SNTG1: variants seen among roughly 807,000 people sequenced by gnomAD.
SNTG1 encodes syntrophin gamma 1, also known as gamma-1-syntrophin.
A neutral mutation model predicts 74.7 loss-of-function variants in SNTG1; 39 were observed. That is an observed-to-expected ratio of 0.52 (90% CI 0.40 to 0.68). The LOEUF (loss-of-function observed/expected upper bound fraction) is 0.68. Among genes scored for constraint, SNTG1 ranks in the 30% least tolerant of loss-of-function variants. SNTG1 has a pLI of 0.00. For synonymous variants in SNTG1, 254 were observed against 217.1 expected, an observed-to-expected ratio of 1.17 and a Z score of -1.49; for missense variants, 685 against 609.5, an observed-to-expected ratio of 1.12 and a Z score of -1.30.
At chr8:49,969,072 A>G (rs560637742) in intron 1 of SNTG1, among the ~76,000 whole-genome samples, 2 of 152,336 alleles carry the variant, frequency 1.3e-5, no homozygotes, top group South Asian at 4.1e-4. Context: ...AATTGGAGGC[A>G]GAATGATAGA....
At chr8:50,297,529 T>C (rs1025724969) in intron 2 of SNTG1, among the ~76,000 whole-genome samples, 2 of 152,104 alleles carry the variant, frequency 1.3e-5, no homozygotes, top group Middle Eastern at 3.2e-3. Context: ...TTTGGGGCAT[T>C]ACACAGTAAA....
chr8:50,139,073 A>G (rs1427770468), intron 1 of SNTG1, among the ~76,000 whole-genome samples: 2 of 152,090 alleles, frequency 1.3e-5, no homozygotes, highest in African/African-American at 2.4e-5. Context: ...TAATGTGTAT[A>G]TTTGCTTACA....
intron 12 of SNTG1, among the ~76,000 whole-genome samples, chr8:50,584,817 T>C (rs1335447669): frequency 1.3e-5 from 2 of 152,142 alleles, no homozygotes; most frequent in Non-Finnish European, 2.9e-5. Context: ...ACCACAACTG[T>C]GCAAGTCAAA....
At chr8:49,986,183 A>G (rs1485078334) in intron 1 of SNTG1, among the ~76,000 whole-genome samples, 1 of 152,160 alleles carries the variant, frequency 6.6e-6, no homozygotes, top group Non-Finnish European at 1.5e-5. Context: ...AAAAAAGGGG[A>G]AAAATATGCC....
rs573028093 is a variant in SNTG1, at chr8:49,933,891, C to T, written c.-103+21660C>T. On this transcript the variant is annotated intron_variant, in intron 1 of 18. Transcript: ENST00000642720. ...TGGAGGTTTGGCAGGGATATCGCTA[C>T]ATATTTATGGTCTCTGCTTAGGTTA... Among the ~76,000 whole-genome samples, 4 of 152,240 alleles carry T rather than the reference C, an allele frequency of 2.6e-5. No individual in the cohort carries two copies. The South Asian group carries it at 8.3e-4, about 32-fold the overall frequency.
At chr8:50,287,949 C>T (rs990520476) in intron 2 of SNTG1, among the ~76,000 whole-genome samples, 13 of 152,284 alleles carry the variant, frequency 8.5e-5, no homozygotes, top group East Asian at 3.9e-4. Flanking sequence ...TCATTGCAAA[C>T]GTCATCTCTA....
At position 50,735,543 on chromosome 8, in the gene SNTG1, T is replaced by G. The variant is rs190237903; in HGVS notation, c.1285-16458T>G. On this transcript the variant is annotated intron_variant, in intron 17 of 18. Coordinates refer to ENST00000642720, the MANE Select transcript of SNTG1 (RefSeq NM_018967.5). ...TATCAGAGATTGAAGATCAACTTAA[T>G]GAAATAAAGTGTGAAGACAAGATTA... is the stretch of plus-strand genomic sequence containing the variant. Among the ~76,000 whole-genome samples the G allele has an allele frequency of 1.7e-3, 265 of 151,714 alleles. 2 individuals carry two copies. The highest frequency in any genetic ancestry group is 6.8e-3 in the Middle Eastern group (2 of 292).
intron 3 of SNTG1, among the ~76,000 whole-genome samples, chr8:50,395,935 A>C (rs914904723): frequency 6.6e-6 from 1 of 152,202 alleles, no homozygotes; most frequent in Non-Finnish European, 1.5e-5. Context: ...TGTGTGAATG[A>C]GATACTTATG....
At chr8:50,777,977 T>A (rs568592589) in intron 18 of SNTG1, among the ~76,000 whole-genome samples, 7 of 152,124 alleles carry the variant, frequency 4.6e-5, no homozygotes, top group African/African-American at 1.7e-4. Context: ...CTTGCGATAG[T>A]TTACTGAGAA....
At chr8:50,267,072 C>T (rs2087520894) in intron 2 of SNTG1, among the ~76,000 whole-genome samples, 1 of 151,910 alleles carries the variant, frequency 6.6e-6, no homozygotes, top group Admixed American at 6.6e-5. Context: ...AAAATGATAA[C>T]CATTTCTCAT....
chr8:50,417,055 C>G (rs1359428956), intron 4 of SNTG1, among the ~76,000 whole-genome samples: 4 of 152,056 alleles, frequency 2.6e-5, no homozygotes, highest in African/African-American at 9.7e-5. Flanking sequence ...AGAAGAAATT[C>G]TAGGTGGTTT....
At chr8:50,176,761 G>A (rs888790307) in intron 2 of SNTG1, among the ~76,000 whole-genome samples, 14 of 152,190 alleles carry the variant, frequency 9.2e-5, no homozygotes, top group African/African-American at 3.4e-4. Context: ...CATTTCTGTA[G>A]CTCCATTTTG....
At chr8:50,404,810 T>C (rs1472374304) in intron 4 of SNTG1, among the ~76,000 whole-genome samples, 2 of 152,098 alleles carry the variant, frequency 1.3e-5, no homozygotes, top group African/African-American at 4.8e-5. Flanking sequence ...TAACTCTCCA[T>C]GCTCTCCTCC....
intron 13 of SNTG1, among the ~76,000 whole-genome samples, chr8:50,592,410 T>G (rs2094697596): frequency 1.3e-5 from 2 of 152,310 alleles, no homozygotes; most frequent in East Asian, 1.9e-4. Flanking sequence ...TGTAATATAT[T>G]ACTACAGAGG....
intron 13 of SNTG1, among the ~76,000 whole-genome samples, chr8:50,604,989 C>G (rs1328496403): frequency 6.6e-6 from 1 of 152,152 alleles, no homozygotes; most frequent in East Asian, 1.9e-4. Context: ...GGGTCCCTCC[C>G]TTCAAGGCAG....
chr8:50,489,056 C>T (rs2093825500), intron 8 of SNTG1, among the ~76,000 whole-genome samples: 1 of 152,138 alleles, frequency 6.6e-6, no homozygotes, highest in Admixed American at 6.6e-5. Flanking sequence ...TGTTAGCTTG[C>T]TGAAAATGAT....
chr8:50,722,840 A>T (rs2131595783), intron 17 of SNTG1, among the ~76,000 whole-genome samples: 1 of 152,318 alleles, frequency 6.6e-6, no homozygotes, highest in Admixed American at 6.5e-5. Context: ...TTATATGCTT[A>T]TCATTTCATA....
intron 1 of SNTG1, among the ~76,000 whole-genome samples, chr8:50,017,653 G>A (rs996499562): frequency 1.3e-5 from 2 of 151,740 alleles, no homozygotes; most frequent in Non-Finnish European, 2.9e-5. Context: ...AAGATAAAAT[G>A]TTATAAGAGT....
intron 1 of SNTG1, among the ~76,000 whole-genome samples, chr8:49,966,640 C>A (rs1393687654): frequency 1.3e-5 from 2 of 152,094 alleles, no homozygotes; most frequent in Non-Finnish European, 2.9e-5. Flanking sequence ...AATGATCCAT[C>A]CACCTTGGCC....
Sources: gnomAD v4.1 joint callset for allele counts (sites outside exome capture counted in the v4.1 genomes callset) on GRCh38, gnomAD v4.1.1 for gene constraint, MANE v1.5 for transcripts, NCBI Gene and HGNC (gene_info 2026-07-23, HGNC 2026-07-21) for gene names.